The following CCDC69 variants were observed in gnomAD, a reference collection of about 807,000 sequenced individuals.
CCDC69 encodes the protein coiled-coil domain containing 69, also known as coiled-coil domain-containing protein 69.
CCDC69 carries 38 observed loss-of-function variants against 40.3 expected under a neutral mutation model. The ratio of observed to expected loss-of-function variants is 0.94; its 90% CI spans 0.73 to 1.24. The LOEUF (loss-of-function observed/expected upper bound fraction) is 1.24. CCDC69 is among the 50% of genes most tolerant of loss of function. The pLI is 0.00. For synonymous variants in CCDC69, 141 were observed against 138.9 expected (o/e 1.02, Z -0.11); for missense variants, 389 against 357.9 (o/e 1.09, Z -0.70).
At chr5:151,192,093 A>C (rs1431872778) in intron 4 of CCDC69, among the ~76,000 whole-genome samples, 2 of 147,580 alleles carry the variant, frequency 1.4e-5, no homozygotes, top group Admixed American at 6.8e-5. Context: ...TCAGGAAAAA[A>C]AAAAAAAAAA....
At position 151,187,410 on chromosome 5, in the gene CCDC69, G is replaced by C. The variant is rs1752539378; in HGVS notation, c.369C>G (p.Phe123Leu). 4 of 1,614,036 alleles carry C rather than the reference G, an allele frequency of 2.5e-6. No homozygotes were observed. The Admixed American group carries it at 5.0e-5, about 20-fold the overall frequency. Residue 123 changes from phenylalanine (F) to leucine (L), a missense_variant, in exon 5 of 9, where the codon TTC (phenylalanine) becomes TTG (leucine). Phe to Leu is a conservative substitution (Grantham distance 22, BLOSUM62 0). Coordinates refer to ENST00000355417, the MANE Select transcript of CCDC69 (RefSeq NM_015621.3). ...CCTGCTGGGTAGAACTGGCCTCCCG[G>C]AAAGAGTGGGTAAGCGCTTCTTTCT... is the stretch of plus-strand genomic sequence containing the variant. The part of the protein sequence containing the change: ...EQEKEALTHS[F>L]REASSTQQET...
chr5:151,214,639 C>A (rs564338729), intron 1 of CCDC69, among the ~76,000 whole-genome samples: 1 of 152,242 alleles, frequency 6.6e-6, no homozygotes, highest in East Asian at 1.9e-4. Context: ...TGTGATTGTA[C>A]AACCAACTTA....
chr5:151,208,464 C>T (rs1752884276), intron 1 of CCDC69, among the ~76,000 whole-genome samples: 1 of 152,204 alleles, frequency 6.6e-6, no homozygotes, highest in Non-Finnish European at 1.5e-5. Context: ...ATGTGTAAGC[C>T]CCTGGAGGAC....
At chr5:151,205,552 C>A in intron 1 of CCDC69, 77 bp from the exon 2 acceptor site, 1 of 1,246,552 alleles carries the variant, frequency 8.0e-7, no homozygotes, top group East Asian at 2.3e-5. Flanking sequence ...TATAGTGGGA[C>A]TCTTCCAAAG....
intron 8 of CCDC69, 38 bp downstream of exon 8, chr5:151,184,306 G>A (rs373543215): frequency 6.6e-7 from 1 of 1,517,642 alleles, no homozygotes; most frequent in Non-Finnish European, 9.1e-7. Context: ...TGGCAAAAAG[G>A]GTGGGGATGG....
chr5:151,216,444 G>C (rs1245442565), intron 1 of CCDC69, among the ~76,000 whole-genome samples: 2 of 111,084 alleles, frequency 1.8e-5, no homozygotes, highest in East Asian at 5.2e-4. Context: ...ACTGAGTCTT[G>C]CTCTGTCACC....
chr5:151,213,408 G>A (rs867365891), intron 1 of CCDC69, among the ~76,000 whole-genome samples: 4 of 120,122 alleles, frequency 3.3e-5, no homozygotes, highest in Non-Finnish European at 5.1e-5. Context: ...CACCATGTCC[G>A]GCTATTTTTT....
intron 7 of CCDC69, 35 bp from the exon 8 acceptor site, chr5:151,184,476 A>T (rs772876370): frequency 3.6e-6 from 5 of 1,399,378 alleles, no homozygotes; most frequent in South Asian, 3.5e-5. Flanking sequence ...AAAGCTGCCA[A>T]ACTCACGCTG....
At chr5:151,195,438 C>A (rs114809237) in intron 4 of CCDC69, among the ~76,000 whole-genome samples, 8 of 152,120 alleles carry the variant, frequency 5.3e-5, no homozygotes, top group African/African-American at 1.9e-4. Context: ...CACAATTCTT[C>A]GGCTGGGCGA....
chr5:151,183,717 TG>T, intron 8 of CCDC69, 103 bp from the exon 9 acceptor site: 1 of 1,030,040 alleles, frequency 9.7e-7, no homozygotes, highest in Non-Finnish European at 1.4e-6. Context: ...AGCAGCCTGC[TG>T]CAGGGTCCCC....
At chr5:151,194,388 C>T (rs77274239) in intron 4 of CCDC69, among the ~76,000 whole-genome samples, 310 of 152,242 alleles carry the variant, frequency 2.0e-3, no homozygotes, top group African/African-American at 6.7e-3. Context: ...TCAAAGGCAT[C>T]GTGATGCATG....
chr5:151,203,907 GTATA>G, intron 2 of CCDC69, among the ~76,000 whole-genome samples: 1 of 137,598 alleles, frequency 7.3e-6, no homozygotes, highest in Admixed American at 7.5e-5. Context: ...AATATATATC[GTATA>G]TATAGTATAT....
intron 1 of CCDC69, among the ~76,000 whole-genome samples, chr5:151,219,059 G>C (rs1285319481): frequency 1.3e-5 from 2 of 152,212 alleles, no homozygotes; most frequent in Non-Finnish European, 2.9e-5. Flanking sequence ...AGGAAGATTG[G>C]TGGGCATTAG....
At position 151,224,059 on chromosome 5, in the gene CCDC69, C is replaced by CGCCGGCTGGGGCT; in HGVS notation, c.-102_-90dup. On this transcript the variant is annotated 5_prime_UTR_variant, in exon 1 of 9. Transcript: ENST00000355417. ...CGGGCCCCGCTGCCCGCTCCGCGCC[C>CGCCGGCTGGGGCT]GCCGGCTGGGGCTGCCGGCGAGACC... The CGCCGGCTGGGGCT allele has an allele frequency of 8.1e-7, 1 of 1,228,530 alleles. No homozygotes were observed. Among genetic ancestry groups the CGCCGGCTGGGGCT allele is most frequent in the Non-Finnish European group, 1.1e-6 (1 of 905,272 alleles). 76.1% of individuals were successfully genotyped at this position (1,228,530 alleles called of 1,614,324 possible). A position where few individuals can be genotyped will look rare whatever the true frequency, so the allele number is the denominator to read the frequency against.
At chr5:151,209,509 C>A (rs987110476) in intron 1 of CCDC69, among the ~76,000 whole-genome samples, 1 of 152,178 alleles carries the variant, frequency 6.6e-6, no homozygotes, top group Non-Finnish European at 1.5e-5. Context: ...CAAGATAACT[C>A]CTTCAGAATG....
chr5:151,189,306 G>A (rs1281406303), intron 4 of CCDC69, among the ~76,000 whole-genome samples: 2 of 151,908 alleles, frequency 1.3e-5, no homozygotes, highest in Non-Finnish European at 2.9e-5. Flanking sequence ...AGAACCAAAA[G>A]GAAATTTTAG....
intron 1 of CCDC69, among the ~76,000 whole-genome samples, chr5:151,223,039 T>C (rs1753157204): frequency 6.6e-6 from 1 of 152,192 alleles, no homozygotes; most frequent in Non-Finnish European, 1.5e-5. Context: ...TAGTCCCACC[T>C]GGCTAGGGGG....
rs1414640305 is a variant in CCDC69 at position 151,185,980 on chromosome 5, T to A, written c.495+43A>T. 52 of 1,393,322 alleles carry A rather than the reference T, an allele frequency of 3.7e-5. 1 individual carries two copies. The highest frequency in any genetic ancestry group is 5.2e-5 in the Non-Finnish European group (51 of 979,000). The allele number at this position is 1,393,322 out of a possible 1,614,324, so 86.3% of individuals were successfully genotyped here. On this transcript the variant is annotated intron_variant, in intron 6 of 8. Transcript: ENST00000355417. ...TCCTGTTGCCCGGCCCTGACCTCCCTGGAGATTCAAGGAGGAAAAGCGCCC... is the reference window on the plus strand; with the variant it reads ...TCCTGTTGCCCGGCCCTGACCTCCCAGGAGATTCAAGGAGGAAAAGCGCCC...
At chr5:151,206,035 C>T (rs1291230016) in intron 1 of CCDC69, among the ~76,000 whole-genome samples, 1 of 152,176 alleles carries the variant, frequency 6.6e-6, no homozygotes, top group African/African-American at 2.4e-5. Context: ...TCAATTCTGA[C>T]ACTATCTACC....
Sources: gnomAD v4.1 joint callset for allele counts (sites outside exome capture counted in the v4.1 genomes callset) on GRCh38, gnomAD v4.1.1 for gene constraint, MANE v1.5 for transcripts, NCBI Gene and HGNC (gene_info 2026-07-23, HGNC 2026-07-21) for gene names.